The following PDIA5 variants were observed in gnomAD, a reference collection of about 807,000 sequenced individuals.
The protein encoded by PDIA5 is protein disulfide-isomerase A5.
Under a neutral mutation model 77.6 loss-of-function variants are expected in PDIA5, and 58 were observed. The observed-to-expected ratio is 0.75, with a 90% confidence interval of 0.61 to 0.93. The LOEUF (loss-of-function observed/expected upper bound fraction) is 0.93, where lower values mean the gene tolerates loss of function less well. PDIA5 is among the 40% of genes least tolerant of loss of function. The probability of loss-of-function intolerance (pLI) is 0.00; values close to 1 mark genes in which losing one functional copy is unlikely to be tolerated. For missense variants in PDIA5, 630 were observed against 647.7 expected (o/e 0.97, Z 0.30); for synonymous variants, 250 against 252.1 (o/e 0.99, Z 0.08).
intron 13 of PDIA5, among the ~76,000 whole-genome samples, chr3:123,147,283 A>G (rs1265322225): frequency 6.6e-6 from 1 of 152,090 alleles, no homozygotes; most frequent in African/African-American, 2.4e-5. Flanking sequence ...GTCATGTTGG[A>G]TGAGAGCCCA....
chr3:123,069,011 G>A (rs1933659482), intron 1 of PDIA5, among the ~76,000 whole-genome samples: 1 of 152,222 alleles, frequency 6.6e-6, no homozygotes, highest in Admixed American at 6.5e-5. Flanking sequence ...CGGAAGAGCA[G>A]GTAGGTTTGC....
chr3:123,161,909 C>A lies in PDIA5; in HGVS notation c.1509C>A (p.Ala503=). 6.2e-7 allele frequency: 1 copy of A among 1,604,164 alleles called. No homozygotes were observed. The highest frequency in any genetic ancestry group is 8.5e-7 in the Non-Finnish European group (1 of 1,171,434). The change falls in exon 17 of 17, where the codon GCC becomes GCA. Residue 503 remains alanine (A), a synonymous_variant. Coordinates refer to ENST00000316218, the MANE Select transcript of PDIA5 (RefSeq NM_006810.4). ...TELGFTNYIR[A]LREGDHERLG... ...TGGGATTTACCAATTATATTCGAGC[C>A]CTCCGGGAGGGAGACCATGAAAGAC...
intron 13 of PDIA5, among the ~76,000 whole-genome samples, chr3:123,150,022 A>T (rs1257371683): frequency 1.3e-5 from 2 of 152,172 alleles, no homozygotes; most frequent in Non-Finnish European, 2.9e-5. Context: ...TGGCTCCTTA[A>T]TGGGCTCCTC....
intron 3 of PDIA5, among the ~76,000 whole-genome samples, chr3:123,094,938 C>G (rs1934394529): frequency 1.3e-5 from 2 of 152,168 alleles, no homozygotes; most frequent in Non-Finnish European, 1.5e-5. Flanking sequence ...CTGCTTTTCC[C>G]TTTAAAAGGC....
chr3:123,159,103 G>A lies in PDIA5; in HGVS notation c.1345-2218G>A, dbSNP rs188901523. ...ACACTATATTTCCAATAGCTCCAGGGCATTGTATACAAATTAAATTCATAA... is the reference window on the plus strand; with the variant it reads ...ACACTATATTTCCAATAGCTCCAGGACATTGTATACAAATTAAATTCATAA... On this transcript the variant is annotated intron_variant, in intron 15 of 16. Coordinates refer to ENST00000316218, the MANE Select transcript of PDIA5 (RefSeq NM_006810.4). Among the ~76,000 whole-genome samples the A allele has an allele frequency of 2.0e-5, 3 of 152,320 alleles. No individual in the cohort carries two copies. In the East Asian group the frequency reaches 5.8e-4, roughly 29 times the overall value.
chr3:123,087,345 CTT>C (rs142381326), intron 1 of PDIA5, among the ~76,000 whole-genome samples: 1 of 148,540 alleles, frequency 6.7e-6, no homozygotes, highest in Non-Finnish European at 1.5e-5. Context: ...TGATTTTCCT[CTT>C]TTTTTTTTCT....
At chr3:123,147,276 A>G (rs183107807) in intron 13 of PDIA5, among the ~76,000 whole-genome samples, 1 of 152,268 alleles carries the variant, frequency 6.6e-6, no homozygotes, top group Non-Finnish European at 1.5e-5. Flanking sequence ...GACACCAGTC[A>G]TGTTGGATGA....
chr3:123,161,730 G>A (rs1182866233), intron 16 of PDIA5, 150 bp from the exon 17 acceptor site: 8 of 693,778 alleles, frequency 1.2e-5, no homozygotes, highest in East Asian at 5.4e-5. Context: ...TGCAAGCCAC[G>A]CAGACCCTCT....
chr3:123,103,953 T>A (rs1228690091), intron 5 of PDIA5, among the ~76,000 whole-genome samples: 1 of 152,212 alleles, frequency 6.6e-6, no homozygotes, highest in Non-Finnish European at 1.5e-5. Flanking sequence ...AGGCTGTGTA[T>A]ATTTTATGTT....
chr3:123,137,138 A>G (rs926503836), intron 11 of PDIA5, among the ~76,000 whole-genome samples: 6 of 152,208 alleles, frequency 3.9e-5, no homozygotes, highest in Admixed American at 1.3e-4. Flanking sequence ...ATTGCCCTAC[A>G]GAAAGGTTTT....
chr3:123,085,630 G>A (rs369998404), intron 1 of PDIA5, among the ~76,000 whole-genome samples: 3 of 152,116 alleles, frequency 2.0e-5, no homozygotes, highest in Non-Finnish European at 2.9e-5. Flanking sequence ...TTGTCGCTGC[G>A]GCTCAGCTGC....
intron 1 of PDIA5, among the ~76,000 whole-genome samples, chr3:123,082,425 C>G (rs1934034061): frequency 6.6e-6 from 1 of 152,074 alleles, no homozygotes; most frequent in Middle Eastern, 3.2e-3. Context: ...GAGGCGAGTA[C>G]CTACCCACTG....
At chr3:123,082,928 GCT>G (rs2107912696) in intron 1 of PDIA5, among the ~76,000 whole-genome samples, 1 of 152,262 alleles carries the variant, frequency 6.6e-6, no homozygotes, top group East Asian at 1.9e-4. Flanking sequence ...CTGAGCCAGT[GCT>G]CTTTCTGTGG....
intron 7 of PDIA5, 91 bp from the exon 8 acceptor site, chr3:123,116,140 G>A: frequency 2.0e-6 from 2 of 983,556 alleles, no homozygotes; most frequent in Admixed American, 1.7e-5. Context: ...AGTGCTTGTT[G>A]GGTAGAGGAT....
At chr3:123,091,789 C>T (rs1309850214) in intron 2 of PDIA5, among the ~76,000 whole-genome samples, 3 of 152,158 alleles carry the variant, frequency 2.0e-5, no homozygotes, top group African/African-American at 7.2e-5. Context: ...GGCATTGGCC[C>T]ATCAGAGCCT....
At position 123,145,582 on chromosome 3, in the gene PDIA5, G is replaced by C. The variant is rs759501898; in HGVS notation, c.971G>C (p.Gly324Ala). 1.9e-6 allele frequency: 3 copies of C among 1,612,816 alleles called. No individual in the cohort carries two copies. Among genetic ancestry groups the C allele is most frequent in the Non-Finnish European group, 2.5e-6 (3 of 1,178,798 alleles). The change falls in exon 12 of 17, where the codon GGA becomes GCA. Residue 324 changes from glycine (G) to alanine (A), a missense_variant. Physicochemically the swap from Gly to Ala is moderately conservative, Grantham distance 60. Coordinates refer to ENST00000316218, the MANE Select transcript of PDIA5 (RefSeq NM_006810.4). ...GAGAAGGCAGCAGAAGCCCTCCATG[G>C]AGAAGCGGATGTAAGCTTCCTTTCC... Reference protein sequence around the residue: ...EFEKAAEALHGEADSSGVLAA... With the variant: ...EFEKAAEALHAEADSSGVLAA...
At chr3:123,071,795 T>G (rs541389160) in intron 1 of PDIA5, among the ~76,000 whole-genome samples, 3 of 152,308 alleles carry the variant, frequency 2.0e-5, no homozygotes, top group South Asian at 4.2e-4. Flanking sequence ...GGGAGCCCCC[T>G]GTCCTGGCTG....
intron 1 of PDIA5, chr3:123,067,487 G>A (rs1421260751): frequency 7.9e-6 from 3 of 377,600 alleles, no homozygotes; most frequent in Non-Finnish European, 1.4e-5. Flanking sequence ...ACAACTTTGC[G>A]GGGATGCAGG....
chr3:123,148,255 TG>T (rs1935812227), intron 13 of PDIA5, among the ~76,000 whole-genome samples: 1 of 152,074 alleles, frequency 6.6e-6, no homozygotes, highest in Non-Finnish European at 1.5e-5. Flanking sequence ...GCACAGGACA[TG>T]ATGTGGAAGT....
Sources: gnomAD v4.1 joint callset for allele counts (sites outside exome capture counted in the v4.1 genomes callset) on GRCh38, gnomAD v4.1.1 for gene constraint, MANE v1.5 for transcripts, NCBI Gene and HGNC (gene_info 2026-07-23, HGNC 2026-07-21) for gene names.